TES: variants seen among roughly 807,000 people sequenced by gnomAD.
TES encodes the protein testin LIM domain protein.
TES carries 41 observed loss-of-function variants against 48.2 expected under a neutral mutation model. That is an observed-to-expected ratio of 0.85 (90% CI 0.66 to 1.10). The LOEUF is 1.10. TES is among the 50% of genes least tolerant of loss of function. The pLI, the probability that TES is intolerant of heterozygous loss-of-function variation, is 0.00. For missense variants in TES, 463 were observed against 515.1 expected (o/e 0.90, Z 0.98); for synonymous variants, 162 against 174.9 (o/e 0.93, Z 0.58).
intron 1 of TES, among the ~76,000 whole-genome samples, chr7:116,226,385 G>A (rs552452623): frequency 6.6e-6 from 1 of 152,138 alleles, no homozygotes; most frequent in Non-Finnish European, 1.5e-5. Context: ...CATTAGAATT[G>A]AGTCTGTGGG....
chr7:116,253,467 G>C (rs997081358), intron 6 of TES, among the ~76,000 whole-genome samples: 1 of 151,290 alleles, frequency 6.6e-6, no homozygotes, highest in African/African-American at 2.4e-5. Flanking sequence ...CTCAAATTTC[G>C]TTCCTCCACT....
At chr7:116,251,497 A>G (rs1181893829) in intron 4 of TES, 5 of 378,356 alleles carry the variant, frequency 1.3e-5, no homozygotes, top group Non-Finnish European at 2.5e-5. Context: ...CCTGGCTAAC[A>G]CGGTGAAACC....
Position 116,251,866 on chromosome 7 carries a change from C to T in TES, c.809C>T (p.Thr270Ile), listed in dbSNP as rs778344836. 8.1e-6 allele frequency: 13 copies of T among 1,613,986 alleles called. No individual in the cohort carries two copies. The highest frequency in any genetic ancestry group is 1.1e-5 in the South Asian group (1 of 91,086). ...CACCCAGCTTGTTTTGTCTGCAGCA[C>T]CTGCCATGAACTCCTGGTTGACATG... ...LWHPACFVCS[T>I]CHELLVDMIY... is the part of the protein sequence containing the mutation. The change falls in exon 5 of 7, where the codon ACC becomes ATC. Residue 270 changes from threonine (T) to isoleucine (I), a missense_variant. Coordinates refer to ENST00000358204, the MANE Select transcript of TES (RefSeq NM_015641.4).
At chr7:116,241,701 T>C (rs1799851317) in intron 2 of TES, among the ~76,000 whole-genome samples, 1 of 152,248 alleles carries the variant, frequency 6.6e-6, no homozygotes, top group African/African-American at 2.4e-5. Context: ...TATTTCTTTT[T>C]TCTTACCACT....
intron 1 of TES, among the ~76,000 whole-genome samples, chr7:116,232,785 T>C (rs1799718195): frequency 6.6e-6 from 1 of 152,216 alleles, no homozygotes; most frequent in Admixed American, 6.5e-5. Flanking sequence ...TCATTTCTTT[T>C]GAAAATTGGT....
chr7:116,223,021 C>A (rs1799574879), intron 1 of TES: 1 of 983,938 alleles, frequency 1.0e-6, no homozygotes, highest in Non-Finnish European at 1.2e-6. Flanking sequence ...AAGAGGTATT[C>A]TATTGGTAAG....
intron 6 of TES, among the ~76,000 whole-genome samples, chr7:116,253,947 T>C (rs970993174): frequency 2.9e-4 from 44 of 152,022 alleles, no homozygotes; most frequent in Admixed American, 2.6e-4. Flanking sequence ...CCTTATATCT[T>C]GCTTTCTATA....
chr7:116,234,516 A>T lies in TES; in HGVS notation c.28-18A>T, dbSNP rs1358130380. The T allele has an allele frequency of 6.2e-7, 1 of 1,602,142 alleles. No individual in the cohort carries two copies. Among genetic ancestry groups the T allele is most frequent in the East Asian group, 2.2e-5 (1 of 44,786 alleles). ...TAAAGAATCTAATAACAGATTCATG[A>T]TGTTTTCTTTTTAACAGATGGGCTT... On this transcript the variant is annotated intron_variant, in intron 1 of 6. Coordinates refer to ENST00000358204, the MANE Select transcript of TES (RefSeq NM_015641.4).
At chr7:116,252,710 C>T (rs1800037201) in intron 6 of TES, 3 of 535,846 alleles carry the variant, frequency 5.6e-6, no homozygotes, top group Non-Finnish European at 1.0e-5. Flanking sequence ...ATAGGTACTG[C>T]TTAATAATAA....
chr7:116,210,624 T>C lies in TES; in HGVS notation c.-84T>C, dbSNP rs1342485452. 5 of 1,263,046 alleles carry C rather than the reference T, an allele frequency of 4.0e-6. No individual in the cohort carries two copies. Among genetic ancestry groups the C allele is most frequent in the African/African-American group, 1.6e-5 (1 of 63,882 alleles). 78.2% of individuals were successfully genotyped at this position (1,263,046 alleles called of 1,614,324 possible). A position where few individuals can be genotyped will look rare whatever the true frequency, so the allele number is the denominator to read the frequency against. ...CCGCGGGAGTTCCGCAGGTTTCCCG[T>C]GTTCGCAGCGGAGCCGGAGGCCAGC... On this transcript the variant is annotated 5_prime_UTR_variant, in exon 1 of 7. Transcript: ENST00000358204.
At chr7:116,244,649 T>C (rs1799896430) in intron 2 of TES, among the ~76,000 whole-genome samples, 2 of 152,202 alleles carry the variant, frequency 1.3e-5, no homozygotes, top group Non-Finnish European at 2.9e-5. Flanking sequence ...ATGGTGGCCC[T>C]CTTCTCACAG....
chr7:116,227,644 T>C (rs906653837), intron 1 of TES, among the ~76,000 whole-genome samples: 3 of 152,112 alleles, frequency 2.0e-5, no homozygotes, highest in Admixed American at 2.0e-4. Flanking sequence ...ATGAACAAAA[T>C]CTAAAATGCT....
At chr7:116,217,917 A>G in intron 1 of TES, 1 of 510,440 alleles carries the variant, frequency 2.0e-6, no homozygotes, top group Non-Finnish European at 3.9e-6. Flanking sequence ...TTAGAGCGAT[A>G]AGGATATGCA....
At chr7:116,234,841 TG>T (rs1799746432) in intron 2 of TES, among the ~76,000 whole-genome samples, 1 of 152,266 alleles carries the variant, frequency 6.6e-6, no homozygotes, top group South Asian at 2.1e-4. Flanking sequence ...TTGTTGGATT[TG>T]CTTGCTGTCT....
In TES at chr7:116,257,515, T is replaced by C; in HGVS notation, c.*33T>C. 1.4e-6 allele frequency: 2 copies of C among 1,479,112 alleles called. No homozygotes were observed. The highest frequency in any genetic ancestry group is 1.8e-6 in the Non-Finnish European group (2 of 1,107,840). The allele number at this position is 1,479,112 out of a possible 1,614,324, so 91.6% of individuals were successfully genotyped here. A position where few individuals can be genotyped will look rare whatever the true frequency, so the allele number is the denominator to read the frequency against. ...GCACCCAGAAGTATCGAGCCATAGC[T>C]ATCCAAAGTGGTCTGCATTTCTACT... is the stretch of plus-strand genomic sequence containing the variant. On this transcript the variant is annotated 3_prime_UTR_variant, in exon 7 of 7. Coordinates refer to ENST00000358204, the MANE Select transcript of TES (RefSeq NM_015641.4).
At position 116,229,026 on chromosome 7, in the gene TES, ATATATAT is replaced by A. The variant is rs1563007776; in HGVS notation, c.28-5507_28-5501del. Among the ~76,000 whole-genome samples, 84 of 125,314 alleles carry A rather than the reference ATATATAT, an allele frequency of 6.7e-4. 1 individual carries two copies. The highest frequency in any genetic ancestry group is 1.2e-3 in the South Asian group (5 of 4,144). 82.2% of individuals were successfully genotyped at this position (125,314 alleles called of 152,430 possible). On this transcript the variant is annotated intron_variant, in intron 1 of 6. Transcript: ENST00000358204. ...TATATATATATATATATATATATAT[ATATATAT>A]AATCATTTCCTTAATATTTGGTAAT...
chr7:116,215,029 G>T (rs1228754085), intron 1 of TES, among the ~76,000 whole-genome samples: 1 of 152,128 alleles, frequency 6.6e-6, no homozygotes, highest in Non-Finnish European at 1.5e-5. Flanking sequence ...CAAACTTCTT[G>T]AGAGATGAAT....
intron 1 of TES, 140 bp from the exon 2 acceptor site, chr7:116,234,394 G>A (rs929277554): frequency 2.3e-5 from 15 of 666,578 alleles, no homozygotes; most frequent in East Asian, 5.4e-5. Context: ...ACATACCTGG[G>A]TATCATCATT....
At chr7:116,226,711 C>T (rs896191312) in intron 1 of TES, among the ~76,000 whole-genome samples, 3 of 152,180 alleles carry the variant, frequency 2.0e-5, no homozygotes, top group African/African-American at 7.2e-5. Context: ...TGAGTTTGAA[C>T]ATGAACACTC....
Sources: gnomAD v4.1 joint callset for allele counts (sites outside exome capture counted in the v4.1 genomes callset) on GRCh38, gnomAD v4.1.1 for gene constraint, MANE v1.5 for transcripts, NCBI Gene and HGNC (gene_info 2026-07-23, HGNC 2026-07-21) for gene names.